Variants in EPB41L1 observed in about 807,000 individuals in gnomAD.
The protein encoded by EPB41L1 is erythrocyte membrane protein band 4.1 like 1.
A neutral mutation model predicts 97.8 loss-of-function variants in EPB41L1; 29 were observed. That is an observed-to-expected ratio of 0.30 (90% CI 0.22 to 0.40). EPB41L1 has a LOEUF of 0.40. EPB41L1 is among the 10% of genes least tolerant of loss of function. The pLI is 1.00. For missense variants in EPB41L1, 812 were observed against 1,162.3 expected, an observed-to-expected ratio of 0.70 and a Z score of 4.38; for synonymous variants, 383 against 459.2, an observed-to-expected ratio of 0.83 and a Z score of 2.12.
chr20:36,164,810 C>T (rs923606008), intron 1 of EPB41L1, among the ~76,000 whole-genome samples: 34 of 152,126 alleles, frequency 2.2e-4, no homozygotes, highest in African/African-American at 6.0e-4. Context: ...CTCAGGCTCC[C>T]GAGTAGCTGG....
Position 36,206,390 on chromosome 20 carries a change from C to T in EPB41L1, c.1669-3098C>T, listed in dbSNP as rs535673904. Reference sequence around the variant, plus strand: ...GCCTCCGACAAGGGAGGACTCCAGTCGTTTCTATTGGATCCAGCCCACGCA... The same window carrying T: ...GCCTCCGACAAGGGAGGACTCCAGTTGTTTCTATTGGATCCAGCCCACGCA... On this transcript the variant is annotated intron_variant, in intron 14 of 21. Transcript: ENST00000338074. The surrounding 1 kb of genome is among the most constrained non-coding windows in gnomAD (Gnocchi z 5.5). The T allele has an allele frequency of 1.6e-5, 21 of 1,289,956 alleles. No homozygotes were observed. The East Asian group carries it at 2.2e-4, about 14-fold the overall frequency. 79.9% of individuals were successfully genotyped at this position (1,289,956 alleles called of 1,614,324 possible).
chr20:36,173,714 A>G, intron 1 of EPB41L1, 50 bp from the exon 2 acceptor site: 1 of 1,560,412 alleles, frequency 6.4e-7, no homozygotes, highest in Non-Finnish European at 8.8e-7. Flanking sequence ...TCTCGCTGTC[A>G]TACCATTGCT....
At chr20:36,185,414 C>A in intron 7 of EPB41L1, 79 bp downstream of exon 7, 1 of 1,355,914 alleles carries the variant, frequency 7.4e-7, no homozygotes, top group Non-Finnish European at 1.0e-6. Flanking sequence ...TGTCCTAGGC[C>A]GCCACATACT....
intron 2 of EPB41L1, among the ~76,000 whole-genome samples, chr20:36,125,735 A>G (rs2058938249): frequency 6.6e-6 from 1 of 152,156 alleles, no homozygotes; most frequent in African/African-American, 2.4e-5. Flanking sequence ...AGAGCGATGA[A>G]GACACTGCAG....
rs113352855 is a variant in EPB41L1 at position 36,232,311 on chromosome 20, C to T, written c.*2971C>T. The stretch of plus-strand genomic sequence containing the variant: ...GCATAGTGGAAAAAGTCCCTGAGGG[C>T]GGTTAGGAGTTCTGGGTGACCATCC... On this transcript the variant is annotated 3_prime_UTR_variant, in exon 22 of 22. Transcript: ENST00000338074. 7.7e-5 allele frequency: 23 copies of T among 299,420 alleles called. No individual in the cohort carries two copies. In the South Asian group the frequency reaches 8.1e-4, roughly 11 times the overall value. 18.5% of individuals were successfully genotyped at this position (299,420 alleles called of 1,614,324 possible).
At chr20:36,170,784 TC>T (rs2060955304) in intron 1 of EPB41L1, among the ~76,000 whole-genome samples, 1 of 152,140 alleles carries the variant, frequency 6.6e-6, no homozygotes, top group African/African-American at 2.4e-5. Flanking sequence ...TCTTTTTTGC[TC>T]ACTGGGTCTC....
At chr20:36,158,118 C>G (rs993286558) in intron 1 of EPB41L1, among the ~76,000 whole-genome samples, 1 of 152,084 alleles carries the variant, frequency 6.6e-6, no homozygotes, top group Non-Finnish European at 1.5e-5. Flanking sequence ...GATAGTTGTT[C>G]AAGGTCAAAT....
chr20:36,208,454 C>G, intron 14 of EPB41L1: 1 of 333,338 alleles, frequency 3.0e-6, no homozygotes, highest in Non-Finnish European at 6.0e-6. Context: ...CACCTTCACC[C>G]GGCCAGGATG....
chr20:36,229,498 A>C lies in EPB41L1; in HGVS notation c.*158A>C. The C allele has an allele frequency of 1.5e-6, 1 of 689,574 alleles. No homozygotes were observed. The highest frequency in any genetic ancestry group is 2.6e-6 in the Non-Finnish European group (1 of 382,062). The allele number at this position is 689,574 out of a possible 1,614,324, so 42.7% of individuals were successfully genotyped here. A position where few individuals can be genotyped will look rare whatever the true frequency, so the allele number is the denominator to read the frequency against. On this transcript the variant is annotated 3_prime_UTR_variant, in exon 22 of 22. Coordinates refer to ENST00000338074, the MANE Select transcript of EPB41L1 (RefSeq NM_012156.2). ...GGAAGGGAAAAGCATATATATATAG[A>C]TATATAGAGATATAGATATATATAC...
At position 36,214,408 on chromosome 20, in the gene EPB41L1, T is replaced by C; in HGVS notation, c.2236T>C (p.Ser746Pro). The C allele has an allele frequency of 5.6e-6, 9 of 1,613,672 alleles. No homozygotes were observed. Among genetic ancestry groups the C allele is most frequent in the Non-Finnish European group, 7.6e-6 (9 of 1,179,924 alleles). Residue 746 changes from serine (S) to proline (P), a missense_variant, in exon 17 of 22, where the codon TCC becomes CCC. By Grantham distance (74) the Ser-to-Pro change is moderately conservative. Around this residue, in one of 3 missense-constraint regions of EPB41L1, gnomAD observed 498 missense variants for 622.7 expected, o/e 0.80. Coordinates refer to ENST00000338074, the MANE Select transcript of EPB41L1 (RefSeq NM_012156.2). ...GAGGGAGTTCATAGCAACCACTCCC[T>C]CCATCACCACGGAGACCATATCGAC... The part of the protein sequence containing the change: ...VGREFIATTP[S>P]ITTETISTTM...
intron 2 of EPB41L1, among the ~76,000 whole-genome samples, chr20:36,135,644 A>G (rs1243819741): frequency 6.6e-6 from 1 of 152,108 alleles, no homozygotes; most frequent in Non-Finnish European, 1.5e-5. Flanking sequence ...TTCCCTCTAC[A>G]TATCTGAGGC....
At chr20:36,164,170 T>C (rs2060643429) in intron 1 of EPB41L1, among the ~76,000 whole-genome samples, 1 of 152,072 alleles carries the variant, frequency 6.6e-6, no homozygotes. Flanking sequence ...ATTGGCCAAA[T>C]GGAACCAGAA....
At chr20:36,189,981 T>G (rs1293138345) in intron 9 of EPB41L1, among the ~76,000 whole-genome samples, 1 of 152,146 alleles carries the variant, frequency 6.6e-6, no homozygotes, top group Admixed American at 6.5e-5. Context: ...GCCCAGGAGT[T>G]GGAGACCAGC....
rs138988607 is a variant in EPB41L1, at chr20:36,127,669, C to T, written c.-10+15189C>T. On this transcript the variant is annotated intron_variant, in intron 2 of 19. Transcript: ENST00000202028. Reference sequence around the variant, plus strand: ...GGGCAGGTCTCTTCTCCCTGGGCCTCGGTTTCCCTACCTGTAAAAATGAAG... The same window carrying T: ...GGGCAGGTCTCTTCTCCCTGGGCCTTGGTTTCCCTACCTGTAAAAATGAAG... Among the ~76,000 whole-genome samples, 876 of 152,248 alleles carry T rather than the reference C, an allele frequency of 5.8e-3. 8 individuals are homozygous for T. Among genetic ancestry groups the T allele is most frequent in the African/African-American group, 0.019 (785 of 41,534 alleles).
chr20:36,125,749 A>G (rs1184460576), intron 2 of EPB41L1, among the ~76,000 whole-genome samples: 2 of 152,166 alleles, frequency 1.3e-5, no homozygotes, highest in Non-Finnish European at 2.9e-5. Flanking sequence ...ACTGCAGGGT[A>G]TCAGGTTGGG....
chr20:36,209,814 C>G lies in EPB41L1; in HGVS notation c.1995C>G (p.Ala665=), dbSNP rs1271366989. ...TCTCCCGGGATCTCAACAAGGGGGC[C>G]CCCAGCCAGGATGATGAGTCTGGGG... ...LLFSRDLNKG[A]PSQDDESGGI... Residue 665 remains alanine, a synonymous_variant, in exon 15 of 22, where the codon GCC becomes GCG. Transcript: ENST00000338074. The surrounding 1 kb of genome is among the most constrained non-coding windows in gnomAD (Gnocchi z 4.2). 6.2e-7 allele frequency: 1 copy of G among 1,613,770 alleles called. No homozygotes were observed. Among genetic ancestry groups the G allele is most frequent in the Admixed American group, 1.7e-5 (1 of 59,998 alleles).
upstream of EPB41L1, chr20:36,150,044 A>G (rs1458393477): frequency 2.0e-5 from 3 of 152,084 alleles, no homozygotes; most frequent in Non-Finnish European, 4.4e-5. Flanking sequence ...GTTTTATTTA[A>G]CCCAATACAT....
At chr20:36,226,239 G>A (rs1288935008) in intron 21 of EPB41L1, among the ~76,000 whole-genome samples, 1 of 152,110 alleles carries the variant, frequency 6.6e-6, no homozygotes, top group East Asian at 1.9e-4. Flanking sequence ...CTCCTGCAGA[G>A]TCTCAAGCCC....
intron 1 of EPB41L1, among the ~76,000 whole-genome samples, chr20:36,096,757 G>A (rs2057844888): frequency 6.6e-6 from 1 of 152,186 alleles, no homozygotes; most frequent in South Asian, 2.1e-4. Flanking sequence ...AATGCCATGT[G>A]GGCAGGAACT....
Sources: allele counts gnomAD v4.1 joint callset (sites outside exome capture counted in the v4.1 genomes callset), GRCh38; gene constraint gnomAD v4.1.1; regional missense constraint gnomAD v4.1.1; non-coding constraint Gnocchi (gnomAD v3.1); transcripts MANE v1.5; gene names NCBI Gene and HGNC (gene_info 2026-07-23, HGNC 2026-07-21).